SOX5: variants seen among roughly 807,000 people sequenced by gnomAD.
The protein encoded by SOX5 is transcription factor SOX-5.
In SOX5, 9 loss-of-function variants were observed where a neutral mutation model predicts 92.0. That is an observed-to-expected ratio of 0.10 (90% CI 0.06 to 0.17). SOX5 has a LOEUF of 0.17. Ranked by LOEUF, SOX5 falls within the 10% of genes least tolerant of loss-of-function variation. SOX5 has a pLI of 1.00. For synonymous variants in SOX5, 344 were observed against 336.3 expected (o/e 1.02, Z -0.25); for missense variants, 642 against 944.5 (o/e 0.68, Z 4.20).
At chr12:23,585,377 C>A (rs1950580669) in intron 9 of SOX5, among the ~76,000 whole-genome samples, 1 of 152,162 alleles carries the variant, frequency 6.6e-6, no homozygotes, top group Non-Finnish European at 1.5e-5. Context: ...TTGTCAGGAA[C>A]TATTTAGCCA....
intron 4 of SOX5, among the ~76,000 whole-genome samples, chr12:23,974,364 A>AT (rs968406867): frequency 5.9e-5 from 9 of 151,528 alleles, no homozygotes; most frequent in South Asian, 4.2e-4. Flanking sequence ...ACCAATATTC[A>AT]TTTTTTTTCA....
intron 8 of SOX5, among the ~76,000 whole-genome samples, chr12:23,611,472 A>G (rs2075953092): frequency 6.6e-6 from 1 of 151,910 alleles, no homozygotes; most frequent in Non-Finnish European, 1.5e-5. Flanking sequence ...TGTCTTGGTT[A>G]TCGTAAATAA....
At chr12:23,970,998 G>A (rs1439425694) in intron 4 of SOX5, among the ~76,000 whole-genome samples, 1 of 147,244 alleles carries the variant, frequency 6.8e-6, no homozygotes, top group Non-Finnish European at 1.5e-5. Context: ...CCATCACACT[G>A]TTTTCCATAG....
chr12:24,451,618 G>C lies in SOX5; in HGVS notation c.-250-82979C>G, dbSNP rs1356294187. ...TATCTAATATTAACTCTTCATGGAA[G>C]ATAATCTGAAGGACACCTGAAGAGT... On this transcript the variant is annotated intron_variant, in intron 1 of 4. Coordinates refer to the SOX5 transcript ENST00000446891. Among the ~76,000 whole-genome samples the C allele has an allele frequency of 3.3e-5, 5 of 152,266 alleles. No homozygotes were observed. The East Asian group carries it at 9.6e-4, about 29-fold the overall frequency.
chr12:24,547,270 C>A (rs1952722761), intron 1 of SOX5, among the ~76,000 whole-genome samples: 1 of 147,260 alleles, frequency 6.8e-6, no homozygotes, highest in Non-Finnish European at 1.5e-5. Flanking sequence ...CGGCTCAATG[C>A]AAGCTCCGCT....
intron 3 of SOX5, among the ~76,000 whole-genome samples, chr12:23,794,990 A>C (rs1473560207): frequency 6.6e-6 from 1 of 152,160 alleles, no homozygotes; most frequent in Non-Finnish European, 1.5e-5. Flanking sequence ...ACAAAAACAC[A>C]ATAAGAAATT....
intron 3 of SOX5, among the ~76,000 whole-genome samples, chr12:24,254,975 A>G (rs1522231): frequency 0.67 from 102,252 of 151,852 alleles, 36,893 homozygotes; most frequent in East Asian, 0.95. Context: ...CTCTTCAACT[A>G]TTAATATACC....
intron 1 of SOX5, among the ~76,000 whole-genome samples, chr12:23,901,243 A>AT (rs1160722814): frequency 2.6e-5 from 4 of 152,110 alleles, no homozygotes; most frequent in Non-Finnish European, 5.9e-5. Flanking sequence ...GAACCAAGGA[A>AT]TGTAGGCAGC....
intron 4 of SOX5, among the ~76,000 whole-genome samples, chr12:24,020,779 T>C (rs759061664): frequency 1.3e-5 from 2 of 152,194 alleles, no homozygotes; most frequent in African/African-American, 2.4e-5. Flanking sequence ...CCATATGTAG[T>C]TCTGAAAGCT....
chr12:23,717,955 A>C (rs2092603972), intron 6 of SOX5, among the ~76,000 whole-genome samples: 3 of 152,236 alleles, frequency 2.0e-5, no homozygotes. Flanking sequence ...TAATAGAGAA[A>C]AACTATAATG....
intron 4 of SOX5, among the ~76,000 whole-genome samples, chr12:24,107,018 A>C (rs1399801686): frequency 6.6e-6 from 1 of 151,968 alleles, no homozygotes; most frequent in Non-Finnish European, 1.5e-5. Flanking sequence ...ATTGAGGTAA[A>C]ATTAACAATC....
At chr12:24,143,958 A>C (rs1950834014) in intron 4 of SOX5, among the ~76,000 whole-genome samples, 1 of 152,110 alleles carries the variant, frequency 6.6e-6, no homozygotes, top group Non-Finnish European at 1.5e-5. Flanking sequence ...TCATACATCC[A>C]CAGATAAAAG....
intron 4 of SOX5, among the ~76,000 whole-genome samples, chr12:24,136,092 T>C (rs1323766699): frequency 6.6e-6 from 1 of 151,992 alleles, no homozygotes; most frequent in African/African-American, 2.4e-5. Context: ...TGAAGTAGGA[T>C]CCTGAAAATG....
intron 4 of SOX5, among the ~76,000 whole-genome samples, chr12:24,036,141 T>C (rs1569513501): frequency 6.6e-6 from 1 of 152,062 alleles, no homozygotes; most frequent in Non-Finnish European, 1.5e-5. Context: ...CCACTAACAA[T>C]AAGTTAGTTA....
chr12:24,157,052 A>G (rs950246309), intron 4 of SOX5, among the ~76,000 whole-genome samples: 39 of 151,992 alleles, frequency 2.6e-4, no homozygotes, highest in African/African-American at 9.4e-4. Context: ...ATGATATTTT[A>G]CTTTCTCATT....
At chr12:23,746,549 G>A (rs1024515941) in intron 4 of SOX5, among the ~76,000 whole-genome samples, 1 of 152,060 alleles carries the variant, frequency 6.6e-6, no homozygotes, top group Non-Finnish European at 1.5e-5. Context: ...TCCTGTTCCA[G>A]TCCCCTTAGA....
At chr12:24,428,566 G>T (rs183841462) in intron 1 of SOX5, among the ~76,000 whole-genome samples, 197 of 151,686 alleles carry the variant, frequency 1.3e-3, no homozygotes, top group African/African-American at 4.5e-3. Flanking sequence ...GAGCCCAGGA[G>T]TTTGAGACCA....
chr12:23,764,384 T>C (rs188468478), intron 3 of SOX5, among the ~76,000 whole-genome samples: 9 of 152,200 alleles, frequency 5.9e-5, no homozygotes, highest in Admixed American at 5.9e-4. Flanking sequence ...CTATAAGCTA[T>C]ACATTATGTC....
In SOX5 at chr12:24,297,753, G is replaced by A. The variant is rs539918602; in HGVS notation, c.-173-20441C>T. 7.2e-5 allele frequency among the ~76,000 whole-genome samples: 11 copies of A among 152,268 alleles called. No individual in the cohort carries two copies. In the South Asian group the frequency reaches 1.2e-3, roughly 17 times the overall value. On this transcript the variant is annotated intron_variant, in intron 2 of 4. Coordinates refer to the SOX5 transcript ENST00000446891. ...TGAGTGACTGCTCAGAACATTCTCC[G>A]AAGGAAAAGAATTGTGCAAGGGAAT...
Sources: allele counts gnomAD v4.1 joint callset (sites outside exome capture counted in the v4.1 genomes callset), GRCh38; gene constraint gnomAD v4.1.1; transcripts MANE v1.5; gene names NCBI Gene and HGNC (gene_info 2026-07-23, HGNC 2026-07-21).